The following WDR59 variants were observed in gnomAD, a reference collection of about 807,000 sequenced individuals.
WDR59 encodes the protein WD repeat domain 59.
In WDR59, 100 loss-of-function variants were observed where a neutral mutation model predicts 131.2. That is an observed-to-expected ratio of 0.76 (90% confidence interval 0.65 to 0.90). The LOEUF is 0.90. Ranked by LOEUF, WDR59 falls within the 40% of genes least tolerant of loss-of-function variation. The pLI is 0.00. For synonymous variants in WDR59, 601 were observed against 466.2 expected (o/e 1.29, Z -3.72); for missense variants, 1,203 against 1,262.2 (o/e 0.95, Z 0.71).
intron 8 of WDR59, among the ~76,000 whole-genome samples, chr16:74,934,327 G>GA (rs1286247951): frequency 1.5e-4 from 23 of 151,912 alleles, no homozygotes; most frequent in Non-Finnish European, 2.4e-4. Context: ...AAGAAAAAAA[G>GA]AAAGATTTTG....
At position 74,916,235 on chromosome 16, in the gene WDR59, C is replaced by G; in HGVS notation, c.991G>C (p.Gly331Arg). Residue 331 changes from glycine to arginine, a missense_variant, in exon 12 of 26, where the codon GGT becomes CGT. Coordinates refer to ENST00000262144, the MANE Select transcript of WDR59 (RefSeq NM_030581.4). ...ATACTCTCAATGAACTCATCAACAC[C>G]ATCTAATATGTCATTTGCACAAAGC... Reference protein sequence around the residue: ...QRLCANDILDGVDEFIESISL... With the variant: ...QRLCANDILDRVDEFIESISL... 6.2e-7 allele frequency: 1 copy of G among 1,614,028 alleles called. No homozygotes were observed. The highest frequency in any genetic ancestry group is 8.5e-7 in the Non-Finnish European group (1 of 1,179,986).
At chr16:74,924,073 C>G (rs375739411) in intron 8 of WDR59, 70 bp from the exon 9 acceptor site, 200 of 1,459,038 alleles carry the variant, frequency 1.4e-4, no homozygotes, top group Non-Finnish European at 1.7e-4. Flanking sequence ...ATAAGCACAG[C>G]CTTTGAACTC....
In WDR59 at chr16:74,904,799, G is replaced by A. The variant is rs543827597; in HGVS notation, c.1713-699C>T. ...AAAGTACATTATGAATGTAGTGTTG[G>A]CATAAAGGATAAATAGATCAAAGGA... On this transcript the variant is annotated intron_variant, in intron 17 of 25. Transcript: ENST00000262144. Among the ~76,000 whole-genome samples the A allele has an allele frequency of 3.3e-5, 5 of 152,222 alleles. No individual in the cohort carries two copies. The South Asian group carries it at 1.0e-3, about 32-fold the overall frequency.
At position 74,889,772 on chromosome 16, in the gene WDR59, G is replaced by A. The variant is rs1964949962; in HGVS notation, c.2126C>T (p.Pro709Leu). The change falls in exon 21 of 26, where the codon CCG (proline) becomes CTG (leucine). Residue 709 changes from proline (P) to leucine (L), a missense_variant. Physicochemically the swap from Pro to Leu is moderately conservative, Grantham distance 98. Transcript: ENST00000262144. ...ATVATDLCLG[P>L]KSDPDLETPW... ...TGTTTCCAAATCTGGGTCAGATTTC[G>A]GACCAAGGCAAAGATCTGTAGCTAC... 12 of 1,614,074 alleles carry A rather than the reference G, an allele frequency of 7.4e-6. No individual in the cohort carries two copies. The highest frequency in any genetic ancestry group is 8.5e-6 in the Non-Finnish European group (10 of 1,179,996).
At chr16:74,881,651 G>A (rs1401360142) in intron 25 of WDR59, among the ~76,000 whole-genome samples, 1 of 151,922 alleles carries the variant, frequency 6.6e-6, no homozygotes, top group Non-Finnish European at 1.5e-5. Flanking sequence ...CAGGTGGGTG[G>A]ATCACAAGGT....
chr16:74,979,369 G>A (rs1416557801), intron 1 of WDR59, among the ~76,000 whole-genome samples: 1 of 151,748 alleles, frequency 6.6e-6, no homozygotes, highest in African/African-American at 2.4e-5. Context: ...GGGAGGCTGA[G>A]GCAGGAGAAT....
chr16:74,959,821 A>T (rs1480933956), intron 2 of WDR59, among the ~76,000 whole-genome samples: 1 of 150,482 alleles, frequency 6.6e-6, no homozygotes, highest in Non-Finnish European at 1.5e-5. Context: ...CGCCCTCCAA[A>T]ATAATAACAA....
At chr16:74,981,613 CATATATATAT>C (rs1162042042) in intron 1 of WDR59, among the ~76,000 whole-genome samples, 6 of 27,792 alleles carry the variant, frequency 2.2e-4, no homozygotes, top group African/African-American at 8.4e-4. Flanking sequence ...TATACATTTA[CATATATATAT>C]ATATATATAT....
At chr16:74,889,682 T>C in intron 21 of WDR59, 21 bp downstream of exon 21, 1 of 1,600,714 alleles carries the variant, frequency 6.2e-7, no homozygotes. Context: ...ATTTTTCTCA[T>C]TTTTAGCTCT....
rs113602447 is a variant in WDR59 at position 74,901,707 on chromosome 16, T to C, written c.1866+2240A>G. On this transcript the variant is annotated intron_variant, in intron 18 of 25. Coordinates refer to ENST00000262144, the MANE Select transcript of WDR59 (RefSeq NM_030581.4). ...AAACACAAACAGAAATTTAGTAGAC[T>C]GGAATCATTTCCAGAACAAAAGCAA... Among the ~76,000 whole-genome samples the C allele has an allele frequency of 2.4e-3, 359 of 151,022 alleles. 3 individuals carry two copies. Among genetic ancestry groups the C allele is most frequent in the Non-Finnish European group, 4.3e-3 (289 of 67,810 alleles).
intron 13 of WDR59, among the ~76,000 whole-genome samples, chr16:74,912,638 C>A (rs1290368459): frequency 6.6e-6 from 1 of 152,188 alleles, no homozygotes; most frequent in Admixed American, 6.5e-5. Context: ...GAATTAAAGA[C>A]ACACACACAG....
intron 6 of WDR59, among the ~76,000 whole-genome samples, chr16:74,944,658 G>A (rs1399228196): frequency 6.6e-6 from 1 of 151,946 alleles, no homozygotes; most frequent in East Asian, 1.9e-4. Context: ...TACCACTCGG[G>A]GTATGCTAGA....
In WDR59 at chr16:74,928,824, G is replaced by A. The variant is rs532515571; in HGVS notation, c.652-4821C>T. On this transcript the variant is annotated intron_variant, in intron 8 of 25. Coordinates refer to ENST00000262144, the MANE Select transcript of WDR59 (RefSeq NM_030581.4). The stretch of plus-strand genomic sequence containing the variant: ...CTCAGGAAGCTGAGGCACAAGAATC[G>A]CTTGAACCCAGGAGGTGGAGGCTGC... Among the ~76,000 whole-genome samples, 234 of 152,130 alleles carry A rather than the reference G, an allele frequency of 1.5e-3. 1 individual carries two copies. Among genetic ancestry groups the A allele is most frequent in the Non-Finnish European group, 6.2e-4 (42 of 67,990 alleles).
At position 74,874,179 on chromosome 16, in the gene WDR59, G is replaced by A. The variant is rs1567677026; in HGVS notation, c.*30C>T. ...TCACCGGCACTTATGGGTCCTCTGGGATTTCAGACAATACCCAACTTCTGT... is the reference window on the plus strand; with the variant it reads ...TCACCGGCACTTATGGGTCCTCTGGAATTTCAGACAATACCCAACTTCTGT... On this transcript the variant is annotated 3_prime_UTR_variant, in exon 26 of 26. Coordinates refer to ENST00000262144, the MANE Select transcript of WDR59 (RefSeq NM_030581.4). 3 of 1,583,642 alleles carry A rather than the reference G, an allele frequency of 1.9e-6. No homozygotes were observed. The highest frequency in any genetic ancestry group is 1.7e-6 in the Non-Finnish European group (2 of 1,158,482).
intron 4 of WDR59, chr16:74,950,079 C>T (rs745637066): frequency 2.8e-5 from 12 of 435,040 alleles, no homozygotes; most frequent in East Asian, 6.4e-5. Flanking sequence ...CAGCGGCTCA[C>T]GACTGTAATC....
At chr16:74,984,243 C>G (rs2145280207) in intron 1 of WDR59, among the ~76,000 whole-genome samples, 1 of 152,216 alleles carries the variant, frequency 6.6e-6, no homozygotes, top group Non-Finnish European at 1.5e-5. Flanking sequence ...CACCACTGCA[C>G]TCCAGCCTGG....
At chr16:74,933,536 T>A (rs2031567115) in intron 8 of WDR59, among the ~76,000 whole-genome samples, 1 of 152,200 alleles carries the variant, frequency 6.6e-6, no homozygotes, top group Admixed American at 6.6e-5. Context: ...CTTACTGCTG[T>A]ATTTAACTTT....
intron 20 of WDR59, 28 bp downstream of exon 20, chr16:74,892,456 A>C (rs1376587545): frequency 3.8e-6 from 6 of 1,588,038 alleles, no homozygotes; most frequent in East Asian, 4.5e-5. Flanking sequence ...GAAAAATCCA[A>C]ATCTCCACCA....
intron 7 of WDR59, among the ~76,000 whole-genome samples, chr16:74,940,594 G>C (rs1308730782): frequency 6.6e-6 from 1 of 152,176 alleles, no homozygotes; most frequent in Non-Finnish European, 1.5e-5. Flanking sequence ...TGTAATGCTT[G>C]CTGCCATCAG....
Sources: gnomAD v4.1 joint callset for allele counts (sites outside exome capture counted in the v4.1 genomes callset) on GRCh38, gnomAD v4.1.1 for gene constraint, MANE v1.5 for transcripts, NCBI Gene and HGNC (gene_info 2026-07-23, HGNC 2026-07-21) for gene names.